The following DLG2 variants were observed in gnomAD, a reference collection of about 807,000 sequenced individuals.
The protein encoded by DLG2 is discs large MAGUK scaffold protein 2.
DLG2 carries 45 observed loss-of-function variants against 132.5 expected under a neutral mutation model. The observed-to-expected ratio is 0.34, with a 90% CI of 0.27 to 0.44. The LOEUF (loss-of-function observed/expected upper bound fraction) is 0.44, where lower values mean the gene tolerates loss of function less well. Among genes scored for constraint, DLG2 ranks in the 20% least tolerant of loss-of-function variants. The probability of loss-of-function intolerance (pLI) is 1.00; values close to 1 mark genes in which losing one functional copy is unlikely to be tolerated. For missense variants in DLG2, 1,045 were observed against 1,196.9 expected, an observed-to-expected ratio of 0.87 and a Z score of 1.87; for synonymous variants, 424 against 419.6, an observed-to-expected ratio of 1.01 and a Z score of -0.13.
At chr11:84,445,896 A>G (rs937832480) in intron 7 of DLG2, among the ~76,000 whole-genome samples, 2 of 142,658 alleles carry the variant, frequency 1.4e-5, no homozygotes, top group African/African-American at 5.4e-5. Flanking sequence ...AGGCTGGGCG[A>G]CAGAGTGAGA....
intron 9 of DLG2, among the ~76,000 whole-genome samples, chr11:84,110,781 T>C (rs954746747): frequency 1.2e-4 from 18 of 152,196 alleles, no homozygotes; most frequent in African/African-American, 4.3e-4. Context: ...CCAGGTGAAT[T>C]ATGCTCCCTG....
chr11:84,154,144 C>A (rs560358542), intron 9 of DLG2, among the ~76,000 whole-genome samples: 1 of 152,098 alleles, frequency 6.6e-6, no homozygotes, highest in Non-Finnish European at 1.5e-5. Context: ...ACTACAGGCA[C>A]ACGCCAACAT....
At chr11:85,318,161 A>G (rs1243311327) in intron 3 of DLG2, among the ~76,000 whole-genome samples, 1 of 151,960 alleles carries the variant, frequency 6.6e-6, no homozygotes, top group Non-Finnish European at 1.5e-5. Context: ...CAAATTTATA[A>G]AATGTAGTTT....
At chr11:84,548,742 C>T (rs1368727417) in intron 6 of DLG2, among the ~76,000 whole-genome samples, 2 of 152,082 alleles carry the variant, frequency 1.3e-5, no homozygotes, top group African/African-American at 2.4e-5. Context: ...AATAAACATA[C>T]GGAGACCACA....
At chr11:84,464,945 A>C (rs2099090164) in intron 7 of DLG2, among the ~76,000 whole-genome samples, 1 of 151,182 alleles carries the variant, frequency 6.6e-6, no homozygotes, top group Non-Finnish European at 1.5e-5. Context: ...TAAACAAAAA[A>C]ATCCGTTATA....
At chr11:85,153,408 C>T (rs2077393481) in intron 5 of DLG2, among the ~76,000 whole-genome samples, 1 of 152,060 alleles carries the variant, frequency 6.6e-6, no homozygotes, top group South Asian at 2.1e-4. Context: ...GTGCTGATAC[C>T]ACCTAACTCT....
intron 16 of DLG2, among the ~76,000 whole-genome samples, chr11:83,857,083 C>A (rs2060648269): frequency 6.6e-6 from 1 of 152,172 alleles, no homozygotes; most frequent in African/African-American, 2.4e-5. Context: ...AATAGGGAAT[C>A]TTTTCCCCAT....
rs2092045850 is a variant in DLG2, at chr11:83,471,708, C to A, written c.2364G>T (p.Val788=). The change falls in exon 24 of 28, where the codon GTG becomes GTT. Residue 788 remains valine, a synonymous_variant. Coordinates refer to ENST00000376104, the MANE Select transcript of DLG2 (RefSeq NM_001142699.3). The part of the protein sequence containing the change: ...TRQEINYTRP[V]IILGPMKDRI... ...GATCCTTCATGGGCCCCAGGATAAT[C>A]ACCGGCCGGGTGTAGTTTACTGCAG... 3.1e-6 allele frequency: 5 copies of A among 1,613,026 alleles called. No individual in the cohort carries two copies. Among genetic ancestry groups the A allele is most frequent in the Non-Finnish European group, 4.2e-6 (5 of 1,179,340 alleles).
chr11:83,466,869 A>C, intron 25 of DLG2, 52 bp from the exon 26 acceptor site: 1 of 1,257,392 alleles, frequency 8.0e-7, no homozygotes, highest in Non-Finnish European at 1.2e-6. Context: ...CATGGCCATA[A>C]TCCAACAAAA....
chr11:85,359,738 C>T (rs2084000763), intron 3 of DLG2, among the ~76,000 whole-genome samples: 1 of 151,972 alleles, frequency 6.6e-6, no homozygotes, highest in South Asian at 2.1e-4. Context: ...GAGGGCGCAA[C>T]AACGTGAACA....
chr11:85,478,707 T>G (rs957005645), intron 3 of DLG2, among the ~76,000 whole-genome samples: 1 of 152,212 alleles, frequency 6.6e-6, no homozygotes, highest in South Asian at 2.1e-4. Flanking sequence ...TAGGGCACAG[T>G]CCTGTTATGA....
chr11:84,651,967 T>C (rs541905364), intron 6 of DLG2, among the ~76,000 whole-genome samples: 59 of 152,106 alleles, frequency 3.9e-4, no homozygotes, highest in African/African-American at 1.4e-3. Context: ...CATTGGGAGA[T>C]GAAGAATATC....
At chr11:84,190,720 CA>C (rs1311743316) in intron 8 of DLG2, among the ~76,000 whole-genome samples, 1 of 152,272 alleles carries the variant, frequency 6.6e-6, no homozygotes, top group Non-Finnish European at 1.5e-5. Context: ...GCACAATCTG[CA>C]ATGTTCTGGA....
intron 7 of DLG2, among the ~76,000 whole-genome samples, chr11:84,442,347 T>C (rs2154478026): frequency 6.6e-6 from 1 of 152,218 alleles, no homozygotes; most frequent in South Asian, 2.1e-4. Context: ...CATAGAATAC[T>C]ATACATCCAT....
intron 3 of DLG2, among the ~76,000 whole-genome samples, chr11:85,514,155 T>C (rs1398263666): frequency 6.6e-6 from 1 of 151,992 alleles, no homozygotes; most frequent in African/African-American, 2.4e-5. Flanking sequence ...TTCCTGTGTG[T>C]GTTTGTTAGG....
At chr11:84,413,945 T>C (rs1333010008) in intron 7 of DLG2, among the ~76,000 whole-genome samples, 1 of 152,196 alleles carries the variant, frequency 6.6e-6, no homozygotes, top group African/African-American at 2.4e-5. Flanking sequence ...ACAACTATTA[T>C]GTGCTGAGTT....
chr11:83,944,810 C>G (rs1466473975), intron 14 of DLG2, among the ~76,000 whole-genome samples: 1 of 152,194 alleles, frequency 6.6e-6, no homozygotes, highest in African/African-American at 2.4e-5. Flanking sequence ...ACGGGCTCCA[C>G]AGAATCTTGA....
intron 6 of DLG2, among the ~76,000 whole-genome samples, chr11:84,591,267 C>G (rs1429385089): frequency 1.6e-5 from 1 of 62,744 alleles, no homozygotes; most frequent in Non-Finnish European, 3.5e-5. Flanking sequence ...GCGCGTCTTT[C>G]TCCACTACAT....
intron 7 of DLG2, among the ~76,000 whole-genome samples, chr11:84,474,922 C>T (rs2099117643): frequency 6.6e-6 from 1 of 152,034 alleles, no homozygotes; most frequent in Non-Finnish European, 1.5e-5. Flanking sequence ...TAACTCTTAC[C>T]TCCTTTGTGA....
Sources: gnomAD v4.1 joint callset for allele counts (sites outside exome capture counted in the v4.1 genomes callset) on GRCh38, gnomAD v4.1.1 for gene constraint, MANE v1.5 for transcripts, NCBI Gene and HGNC (gene_info 2026-07-23, HGNC 2026-07-21) for gene names.